The following RAB5C variants were observed in gnomAD, a reference collection of about 807,000 sequenced individuals.
RAB5C encodes ras-related protein Rab-5C.
Under a neutral mutation model 25.2 loss-of-function variants are expected in RAB5C, and 4 were observed. The ratio of observed to expected loss-of-function variants is 0.16; its 90% CI spans 0.08 to 0.36. The LOEUF is 0.36. RAB5C is among the 10% of genes least tolerant of loss of function. RAB5C has a pLI of 1.00. For missense variants in RAB5C, 199 were observed against 283.8 expected (o/e 0.70, Z 2.15); for synonymous variants, 100 against 106.4 (o/e 0.94, Z 0.37).
rs1280509335 is a variant in RAB5C, at chr17:42,130,384, C to T, written c.119G>A (p.Arg40His). The change falls in exon 2 of 6, where the codon CGC (arginine) becomes CAC (histidine). Residue 40 changes from arginine to histidine, a missense_variant. By Grantham distance (29) the Arg-to-His change is conservative. This residue lies in a region of RAB5C where 24 missense variants were observed against 64.0 expected (regional missense o/e 0.38). Transcript: ENST00000346213. ...SAVGKSSLVL[R>H]FVKGQFHEYQ... is the part of the protein sequence containing the mutation. ...CTCGTGAAACTGTCCCTTGACAAAG[C>T]GGAGGACGAGGCTGGATTTGCCTAC... 2 of 1,613,862 alleles carry T rather than the reference C, an allele frequency of 1.2e-6. No homozygotes were observed. The highest frequency in any genetic ancestry group is 1.7e-6 in the Non-Finnish European group (2 of 1,179,860).
intron 1 of RAB5C, among the ~76,000 whole-genome samples, chr17:42,153,846 A>G (rs965806052): frequency 2.6e-5 from 4 of 152,230 alleles, no homozygotes; most frequent in Admixed American, 1.3e-4. Context: ...TCAGGCTACA[A>G]TTAAAAATCC....
intron 1 of RAB5C, among the ~76,000 whole-genome samples, chr17:42,150,342 G>A (rs886213890): frequency 4.0e-4 from 60 of 150,614 alleles, no homozygotes; most frequent in African/African-American, 1.4e-3. Flanking sequence ...TCAGGAGATC[G>A]AGACCAGCCT....
intron 1 of RAB5C, among the ~76,000 whole-genome samples, chr17:42,145,150 G>A (rs2144092652): frequency 6.6e-6 from 1 of 151,744 alleles, no homozygotes; most frequent in East Asian, 2.0e-4. Flanking sequence ...TCCAGCCTGG[G>A]CGATGGAGTG....
chr17:42,145,144 G>A (rs989379635), intron 1 of RAB5C, among the ~76,000 whole-genome samples: 3 of 151,934 alleles, frequency 2.0e-5, no homozygotes, highest in African/African-American at 7.2e-5. Context: ...CTGCACTCCA[G>A]CCTGGGCGAT....
rs547127686 is a variant in RAB5C at position 42,125,105 on chromosome 17, C to T, written c.*678G>A. On this transcript the variant is annotated 3_prime_UTR_variant, in exon 6 of 6. Coordinates refer to ENST00000346213, the MANE Select transcript of RAB5C (RefSeq NM_004583.4). ...TCCCACTCCCCCCCTTACCCACCCA[C>T]CCCCAAATACTCATCATCATGATTT... 2 of 151,316 alleles carry T rather than the reference C, an allele frequency of 1.3e-5. No homozygotes were observed. Among genetic ancestry groups the T allele is most frequent in the Non-Finnish European group, 3.0e-5 (2 of 67,700 alleles). 9.4% of individuals were successfully genotyped at this position (151,316 alleles called of 1,614,324 possible).
intron 2 of RAB5C, among the ~76,000 whole-genome samples, chr17:42,129,840 A>C (rs528770292): frequency 6.2e-4 from 94 of 152,344 alleles, no homozygotes; most frequent in Middle Eastern, 3.4e-3. Context: ...CCTCACTCAC[A>C]TCCTAAATGC....
chr17:42,154,382 G>A (rs1173778491), intron 1 of RAB5C, among the ~76,000 whole-genome samples: 1 of 152,206 alleles, frequency 6.6e-6, no homozygotes, highest in Non-Finnish European at 1.5e-5. Flanking sequence ...GGAAAGAGAG[G>A]AAGTAAGGAG....
At chr17:42,142,622 C>G (rs948995361) in intron 1 of RAB5C, among the ~76,000 whole-genome samples, 1 of 152,236 alleles carries the variant, frequency 6.6e-6, no homozygotes, top group Non-Finnish European at 1.5e-5. Context: ...ATGCCTCTGA[C>G]AGCCACCTGA....
intron 1 of RAB5C, among the ~76,000 whole-genome samples, chr17:42,154,240 G>C (rs2079691413): frequency 6.6e-6 from 1 of 152,190 alleles, no homozygotes; most frequent in African/African-American, 2.4e-5. Context: ...GAGGCAGAAA[G>C]AGAGAGACAC....
At chr17:42,145,021 C>T (rs763717281) in intron 1 of RAB5C, among the ~76,000 whole-genome samples, 24 of 134,248 alleles carry the variant, frequency 1.8e-4, no homozygotes, top group African/African-American at 6.1e-4. Flanking sequence ...AAAAATTAGC[C>T]GGGTGTGGTG....
intron 1 of RAB5C, chr17:42,154,561 G>A (rs1364746332): frequency 6.6e-6 from 1 of 152,250 alleles, no homozygotes; most frequent in Non-Finnish European, 1.5e-5. Flanking sequence ...ACTTCTAAAA[G>A]AGAAGAGGGA....
At chr17:42,154,246 G>C (rs2079691510) in intron 1 of RAB5C, among the ~76,000 whole-genome samples, 2 of 152,226 alleles carry the variant, frequency 1.3e-5, no homozygotes. Flanking sequence ...GAAAGAGAGA[G>C]ACACTCAAAG....
At chr17:42,147,078 AAGAAAGAAAGAAAGAAAGAAGGAAAGAC>A (rs2079640992) in intron 1 of RAB5C, among the ~76,000 whole-genome samples, 2 of 151,288 alleles carry the variant, frequency 1.3e-5, no homozygotes, top group South Asian at 4.2e-4. Flanking sequence ...AAGAAAAAGA[AAGAAAGAAAGAAAGAAAGAAGGAAAGAC>A]AGAAAGAAAG....
At chr17:42,150,544 CAAAAAAAAAAAAAAAA>C (rs759878778) in intron 1 of RAB5C, among the ~76,000 whole-genome samples, 2 of 19,388 alleles carry the variant, frequency 1.0e-4, no homozygotes, top group African/African-American at 2.4e-4. Context: ...AACTCCATCT[CAAAAAAAAAAAAAAAA>C]AAAAAAAAAA....
At chr17:42,152,286 A>T (rs2079676720) in intron 1 of RAB5C, among the ~76,000 whole-genome samples, 1 of 152,156 alleles carries the variant, frequency 6.6e-6, no homozygotes, top group African/African-American at 2.4e-5. Context: ...CAGCCCTCTA[A>T]TTGTGAGAGG....
intron 1 of RAB5C, chr17:42,131,719 C>T (rs764007495): frequency 1.0e-5 from 11 of 1,084,062 alleles, no homozygotes; most frequent in African/African-American, 3.2e-5. Context: ...GTTCCAGTCC[C>T]GACATCTGAA....
intron 1 of RAB5C, among the ~76,000 whole-genome samples, chr17:42,146,519 G>A (rs1163524728): frequency 6.6e-6 from 1 of 152,182 alleles, no homozygotes; most frequent in Admixed American, 6.5e-5. Flanking sequence ...CAGAGGCCAA[G>A]GCAGGCAGAC....
In RAB5C at chr17:42,125,704, T is replaced by G; in HGVS notation, c.*79A>C. ...CCCCCCCAGTGGTGGCCCGAGTCGT[T>G]AAGTGCGATTGGTTAGAGTGGATTC... On this transcript the variant is annotated 3_prime_UTR_variant, in exon 6 of 6. Transcript: ENST00000346213. The G allele has an allele frequency of 2.0e-6, 2 of 1,014,732 alleles. No individual in the cohort carries two copies. Among genetic ancestry groups the G allele is most frequent in the Non-Finnish European group, 1.5e-6 (1 of 679,538 alleles). 62.9% of individuals were successfully genotyped at this position (1,014,732 alleles called of 1,614,324 possible).
chr17:42,130,113 G>A (rs1201815794), intron 2 of RAB5C: 3 of 585,716 alleles, frequency 5.1e-6, no homozygotes, highest in African/African-American at 1.9e-5. Flanking sequence ...AGGATGGGAA[G>A]CTAGCTTTCC....
Sources: allele counts gnomAD v4.1 joint callset (sites outside exome capture counted in the v4.1 genomes callset), GRCh38; gene constraint gnomAD v4.1.1; regional missense constraint gnomAD v4.1.1; transcripts MANE v1.5; gene names NCBI Gene and HGNC (gene_info 2026-07-23, HGNC 2026-07-21).